Variants in CLEC17A observed in about 807,000 individuals in gnomAD.
CLEC17A encodes the protein C-type lectin domain family 17, member A.
Under a neutral mutation model 61.3 loss-of-function variants are expected in CLEC17A, and 37 were observed. The observed-to-expected ratio is 0.60, with a 90% confidence interval of 0.46 to 0.79. The LOEUF (loss-of-function observed/expected upper bound fraction) is 0.79, where lower values mean the gene tolerates loss of function less well. CLEC17A is among the 30% of genes least tolerant of loss of function. CLEC17A has a pLI of 0.00. For missense variants in CLEC17A, 418 were observed against 464.7 expected (o/e 0.90, Z 0.92); for synonymous variants, 168 against 164.9 (o/e 1.02, Z -0.14).
chr19:14,594,340 G>A (rs917729888), intron 4 of CLEC17A, 177 bp from the exon 5 acceptor site: 9 of 654,294 alleles, frequency 1.4e-5, no homozygotes, highest in South Asian at 3.9e-5. Context: ...ATCTAGGTTC[G>A]TTGGTCACCC....
rs1160344271 is a variant in CLEC17A, at chr19:14,583,411, A to G, written c.98A>G (p.Tyr33Cys). Residue 33 changes from tyrosine (Y) to cysteine (C), a missense_variant, in exon 2 of 14, where the codon TAC (tyrosine) becomes TGC (cysteine). Coordinates refer to ENST00000417570, the MANE Select transcript of CLEC17A (RefSeq NM_001204118.2). The stretch of plus-strand genomic sequence containing the variant: ...GACTATGAGAACTCAACACCTCCCT[A>G]CAAGGACCTTCCTCCCAAGCCAGGT... ...DDDYENSTPP[Y>C]KDLPPKPGTM... 5.6e-6 allele frequency: 9 copies of G among 1,612,268 alleles called. No homozygotes were observed. Among genetic ancestry groups the G allele is most frequent in the Non-Finnish European group, 1.7e-6 (2 of 1,179,196 alleles).
intron 12 of CLEC17A, among the ~76,000 whole-genome samples, chr19:14,601,246 T>A (rs772823958): frequency 6.6e-6 from 1 of 152,076 alleles, no homozygotes; most frequent in Non-Finnish European, 1.5e-5. Context: ...GTCTCCATAG[T>A]CCAATGGTGA....
At chr19:14,605,341 C>T in intron 12 of CLEC17A, among the ~76,000 whole-genome samples, 1 of 149,782 alleles carries the variant, frequency 6.7e-6, no homozygotes. Context: ...GGTGATCCAC[C>T]TGTGTTGGCC....
Position 14,610,951 on chromosome 19 carries a change from C to T in CLEC17A, c.*755C>T, listed in dbSNP as rs1206932909. 1.3e-5 allele frequency: 2 copies of T among 151,918 alleles called. No homozygotes were observed. The highest frequency in any genetic ancestry group is 2.4e-5 in the African/African-American group (1 of 41,358). 9.4% of individuals were successfully genotyped at this position (151,918 alleles called of 1,614,324 possible). ...TGCTGGGATTACAGGCATGTGTCAC[C>T]GTACCTGGCCGATATTTTTATTTTT... On this transcript the variant is annotated 3_prime_UTR_variant, in exon 14 of 14. Transcript: ENST00000417570.
upstream of CLEC17A, among the ~76,000 whole-genome samples, chr19:14,581,174 A>G (rs181759244): frequency 6.6e-6 from 1 of 152,308 alleles, no homozygotes; most frequent in Admixed American, 6.5e-5. Context: ...GTTGAAGCCA[A>G]TCTGAGTTGC....
chr19:14,587,156 G>A (rs993369173), intron 2 of CLEC17A, among the ~76,000 whole-genome samples: 2 of 151,874 alleles, frequency 1.3e-5, no homozygotes, highest in African/African-American at 4.8e-5. Flanking sequence ...GCCTCCCAAA[G>A]TGCTGGGATT....
chr19:14,586,718 C>G (rs1016379909), intron 2 of CLEC17A, among the ~76,000 whole-genome samples: 6 of 152,060 alleles, frequency 3.9e-5, no homozygotes, highest in Admixed American at 2.0e-4. Flanking sequence ...TGAGCCATTG[C>G]GCCCAGCCTA....
intron 13 of CLEC17A, among the ~76,000 whole-genome samples, chr19:14,608,654 G>C (rs911849043): frequency 8.0e-6 from 1 of 125,460 alleles, no homozygotes; most frequent in Non-Finnish European, 1.6e-5. Context: ...TTTTTTTTGA[G>C]ACAGAGTCTC....
intron 3 of CLEC17A, among the ~76,000 whole-genome samples, chr19:14,591,468 A>T (rs1265544077): frequency 1.4e-5 from 2 of 147,826 alleles, no homozygotes; most frequent in African/African-American, 5.0e-5. Context: ...TTTTTGAGAC[A>T]GAATCTCACT....
chr19:14,598,804 T>A (rs113258658), intron 10 of CLEC17A, among the ~76,000 whole-genome samples: 4,815 of 151,960 alleles, frequency 0.032, 221 homozygotes, highest in African/African-American at 0.099. Flanking sequence ...CAACAAATTT[T>A]AAAAAAATAG....
At chr19:14,602,660 CTTA>C (rs1466167134) in intron 12 of CLEC17A, among the ~76,000 whole-genome samples, 1 of 151,926 alleles carries the variant, frequency 6.6e-6, no homozygotes, top group African/African-American at 2.4e-5. Flanking sequence ...GGTCTATCAT[CTTA>C]TTATTTTCCT....
rs776904591 is a variant in CLEC17A, at chr19:14,592,301, G to A, written c.220G>A (p.Glu74Lys). ...GGAAGGGACCATGGAGGAGGAGGAG[G>A]AGGATGATGACTATGAGAACTCAAC... ...PKPGTMEEEE[E>K]DDDYENSTPP... The change falls in exon 4 of 14, where the codon GAG becomes AAG. Residue 74 changes from glutamate (E) to lysine (K), a missense_variant. Physicochemically the swap from Glu to Lys is moderately conservative, Grantham distance 56. Coordinates refer to ENST00000417570, the MANE Select transcript of CLEC17A (RefSeq NM_001204118.2). 193 of 1,600,978 alleles carry A rather than the reference G, an allele frequency of 1.2e-4. No individual in the cohort carries two copies. The highest frequency in any genetic ancestry group is 1.6e-4 in the Non-Finnish European group (189 of 1,173,892).
intron 3 of CLEC17A, among the ~76,000 whole-genome samples, chr19:14,590,107 T>A (rs2074373182): frequency 6.9e-6 from 1 of 144,422 alleles, no homozygotes; most frequent in Non-Finnish European, 1.5e-5. Context: ...AGATAATAAA[T>A]GCTTATGGTT....
intron 3 of CLEC17A, chr19:14,588,556 A>T (rs1254010264): frequency 6.6e-6 from 1 of 152,070 alleles, no homozygotes; most frequent in Non-Finnish European, 1.5e-5. Context: ...TCCAGGTTGG[A>T]AACAGAGCCA....
chr19:14,601,324 T>C (rs1285854942), intron 12 of CLEC17A, among the ~76,000 whole-genome samples: 1 of 152,316 alleles, frequency 6.6e-6, no homozygotes, highest in East Asian at 1.9e-4. Flanking sequence ...AAAAGTCACA[T>C]GTACACGCCT....
At chr19:14,594,005 G>A (rs952569292) in intron 4 of CLEC17A, among the ~76,000 whole-genome samples, 21 of 148,268 alleles carry the variant, frequency 1.4e-4, no homozygotes, top group East Asian at 2.0e-4. Context: ...AAACATGGCC[G>A]GGCACGGTGG....
intron 4 of CLEC17A, among the ~76,000 whole-genome samples, chr19:14,593,333 CAAAA>C (rs57379897): frequency 2.3e-5 from 2 of 85,792 alleles, no homozygotes; most frequent in African/African-American, 4.6e-5. Context: ...CCATCTCTAC[CAAAA>C]AAAAAAAAAA....
chr19:14,607,009 C>A lies in CLEC17A; in HGVS notation c.911C>A (p.Ala304Asp). The change falls in exon 13 of 14, where the codon GCC becomes GAC. Residue 304 changes from alanine to aspartate, a missense_variant. By Grantham distance (126) the Ala-to-Asp change is moderately radical. Transcript: ENST00000417570. ...TATTTGCAGAATTTTGTGGCCAAGG[C>A]CCATGGCTCTCCACGGGTGTACTGG... ...SFAEHNFVAK[A>D]HGSPRVYWLG... is the part of the protein sequence containing the mutation. 7.7e-7 allele frequency: 1 copy of A among 1,299,672 alleles called. No individual in the cohort carries two copies. Among genetic ancestry groups the A allele is most frequent in the Non-Finnish European group, 9.8e-7 (1 of 1,019,988 alleles). The allele number at this position is 1,299,672 out of a possible 1,614,324, so 80.5% of individuals were successfully genotyped here.
chr19:14,599,079 CTTTT>C (rs796835309), intron 10 of CLEC17A, among the ~76,000 whole-genome samples: 11 of 56,942 alleles, frequency 1.9e-4, no homozygotes, highest in Middle Eastern at 0.013. Flanking sequence ...TGTATCTTTG[CTTTT>C]TTTTTTTTTT....
Sources: gnomAD v4.1 joint callset for allele counts (sites outside exome capture counted in the v4.1 genomes callset) on GRCh38, gnomAD v4.1.1 for gene constraint, MANE v1.5 for transcripts, NCBI Gene and HGNC (gene_info 2026-07-23, HGNC 2026-07-21) for gene names.